Variants in ADAM12 observed in about 807,000 individuals in gnomAD.
The protein encoded by ADAM12 is disintegrin and metalloproteinase domain-containing protein 12.
Under a neutral mutation model 106.4 loss-of-function variants are expected in ADAM12, and 70 were observed. The ratio of observed to expected loss-of-function variants is 0.66; its 90% CI spans 0.54 to 0.80. The LOEUF (loss-of-function observed/expected upper bound fraction) is 0.80, where lower values mean the gene tolerates loss of function less well. Ranked by LOEUF, ADAM12 falls within the 30% of genes least tolerant of loss-of-function variation. ADAM12 has a pLI of 0.00. For synonymous variants in ADAM12, 420 were observed against 433.5 expected, an observed-to-expected ratio of 0.97 and a Z score of 0.39; for missense variants, 1,010 against 1,171.9, an observed-to-expected ratio of 0.86 and a Z score of 2.02.
chr10:126,182,843 G>A (rs559816777), intron 3 of ADAM12, among the ~76,000 whole-genome samples: 7 of 152,292 alleles, frequency 4.6e-5, no homozygotes, highest in South Asian at 2.1e-4. Context: ...TAATTTTCCC[G>A]CCTCCTGGCA....
chr10:126,315,839 CA>C (rs1853842800), intron 2 of ADAM12, among the ~76,000 whole-genome samples: 1 of 152,226 alleles, frequency 6.6e-6, no homozygotes, highest in African/African-American at 2.4e-5. Flanking sequence ...TGCCCACTCT[CA>C]ATGCTCTTTA....
chr10:126,255,453 A>T (rs912554459), intron 3 of ADAM12, among the ~76,000 whole-genome samples: 1 of 152,180 alleles, frequency 6.6e-6, no homozygotes, highest in African/African-American at 2.4e-5. Context: ...CTTAGAACGC[A>T]GCCCCTTCAT....
At chr10:126,256,426 C>T (rs1375624061) in intron 3 of ADAM12, among the ~76,000 whole-genome samples, 1 of 152,188 alleles carries the variant, frequency 6.6e-6, no homozygotes. Context: ...CAGTCTCCAT[C>T]TGTAAAATGG....
At chr10:126,386,742 A>T (rs1856675017) in intron 1 of ADAM12, among the ~76,000 whole-genome samples, 1 of 152,222 alleles carries the variant, frequency 6.6e-6, no homozygotes, top group East Asian at 1.9e-4. Flanking sequence ...CAAGTTAAAG[A>T]CCATGTCAGG....
At chr10:126,332,768 G>A (rs573637262) in intron 1 of ADAM12, among the ~76,000 whole-genome samples, 2 of 152,162 alleles carry the variant, frequency 1.3e-5, no homozygotes, top group Admixed American at 1.3e-4. Flanking sequence ...GAAATCACAT[G>A]ATGTGTGAGG....
intron 11 of ADAM12, among the ~76,000 whole-genome samples, chr10:126,073,413 T>C (rs1955038873): frequency 6.6e-6 from 1 of 152,066 alleles, no homozygotes; most frequent in Non-Finnish European, 1.5e-5. Flanking sequence ...TTAACTTTAA[T>C]TGTAGGTTCA....
At chr10:126,362,185 A>G (rs376296472) in intron 1 of ADAM12, among the ~76,000 whole-genome samples, 1 of 152,306 alleles carries the variant, frequency 6.6e-6, no homozygotes, top group African/African-American at 2.4e-5. Flanking sequence ...TATATGAAAA[A>G]AAGTCCAACA....
intron 1 of ADAM12, among the ~76,000 whole-genome samples, chr10:126,370,560 T>A (rs1022269871): frequency 1.3e-5 from 2 of 152,206 alleles, no homozygotes; most frequent in Non-Finnish European, 2.9e-5. Flanking sequence ...AGTCCTGTTT[T>A]TCCTGCCAGT....
intron 8 of ADAM12, 79 bp from the exon 9 acceptor site, chr10:126,101,320 G>A: frequency 1.4e-6 from 2 of 1,475,844 alleles, no homozygotes; most frequent in South Asian, 2.4e-5. Flanking sequence ...GAACAGATTT[G>A]CGTTATTTGA....
chr10:126,101,015 A>T, intron 9 of ADAM12, 57 bp downstream of exon 9: 2 of 1,587,326 alleles, frequency 1.3e-6, no homozygotes, highest in Non-Finnish European at 8.6e-7. Context: ...GGTGAAACGA[A>T]GGGCTTCGCC....
intron 2 of ADAM12, among the ~76,000 whole-genome samples, chr10:126,290,694 G>A (rs10901584): frequency 0.16 from 24,644 of 152,012 alleles, 2,240 homozygotes; most frequent in African/African-American, 0.24. Flanking sequence ...AATAAATGAC[G>A]CTTCAAAAAT....
At chr10:126,332,640 T>G (rs1854561044) in intron 1 of ADAM12, among the ~76,000 whole-genome samples, 1 of 152,218 alleles carries the variant, frequency 6.6e-6, no homozygotes, top group African/African-American at 2.4e-5. Context: ...GCTTATAAGC[T>G]GAGAGCTGAT....
At chr10:126,327,969 C>T (rs1854364768) in intron 2 of ADAM12, among the ~76,000 whole-genome samples, 1 of 152,190 alleles carries the variant, frequency 6.6e-6, no homozygotes, top group African/African-American at 2.4e-5. Context: ...TGCCTCCTCC[C>T]TGCTCCTCCA....
At chr10:126,045,075 AG>A (rs1373799447) in intron 17 of ADAM12, among the ~76,000 whole-genome samples, 1 of 152,214 alleles carries the variant, frequency 6.6e-6, no homozygotes, top group African/African-American at 2.4e-5. Flanking sequence ...GATAAGGCCA[AG>A]GGGTATTGGA....
intron 4 of ADAM12, among the ~76,000 whole-genome samples, chr10:126,139,413 G>A (rs1956468611): frequency 6.6e-6 from 1 of 152,082 alleles, no homozygotes; most frequent in African/African-American, 2.4e-5. Flanking sequence ...TTTTGATTTT[G>A]TAAGTTGGTC....
intron 13 of ADAM12, among the ~76,000 whole-genome samples, chr10:126,065,500 C>G (rs1420985282): frequency 6.6e-6 from 1 of 152,198 alleles, no homozygotes; most frequent in Non-Finnish European, 1.5e-5. Flanking sequence ...AACTGGAACT[C>G]TCTCTTTACT....
chr10:126,275,863 C>T (rs1171959653), intron 3 of ADAM12, among the ~76,000 whole-genome samples: 1 of 151,998 alleles, frequency 6.6e-6, no homozygotes, highest in Non-Finnish European at 1.5e-5. Context: ...TTTTGCGAAA[C>T]ATTAATACAA....
intron 1 of ADAM12, among the ~76,000 whole-genome samples, chr10:126,380,536 C>A (rs1418703574): frequency 6.6e-6 from 1 of 152,196 alleles, no homozygotes; most frequent in Non-Finnish European, 1.5e-5. Flanking sequence ...ATTCTTTCAG[C>A]AGAATTGCAG....
chr10:126,236,360 C>T (rs922240621), intron 3 of ADAM12, among the ~76,000 whole-genome samples: 1 of 152,162 alleles, frequency 6.6e-6, no homozygotes, highest in Admixed American at 6.5e-5. Context: ...GGGAAGCCCC[C>T]GGGATAAGTG....
Sources: allele counts gnomAD v4.1 joint callset (sites outside exome capture counted in the v4.1 genomes callset), GRCh38; gene constraint gnomAD v4.1.1; transcripts MANE v1.5; gene names NCBI Gene and HGNC (gene_info 2026-07-23, HGNC 2026-07-21).